Variants in RPS6KA3 observed in about 807,000 individuals in gnomAD.
RPS6KA3 encodes ribosomal protein S6 kinase A3.
In RPS6KA3, 4 loss-of-function variants were observed where a neutral mutation model predicts 67.2. The ratio of observed to expected loss-of-function variants is 0.06; its 90% CI spans 0.03 to 0.14. The LOEUF (loss-of-function observed/expected upper bound fraction) is 0.14, where lower values mean the gene tolerates loss of function less well. Among genes scored for constraint, RPS6KA3 ranks in the 10% least tolerant of loss-of-function variants. The probability of loss-of-function intolerance (pLI) is 1.00; values close to 1 mark genes in which losing one functional copy is unlikely to be tolerated. For missense variants in RPS6KA3, 204 were observed against 559.0 expected, an observed-to-expected ratio of 0.36 and a Z score of 6.40; for synonymous variants, 182 against 183.7, an observed-to-expected ratio of 0.99 and a Z score of 0.07.
rs922114414 is a variant in RPS6KA3, at chrX:20,158,553, C to T, written c.1960-2304G>A. On this transcript the variant is annotated intron_variant, in intron 20 of 21. Coordinates refer to ENST00000379565, the MANE Select transcript of RPS6KA3 (RefSeq NM_004586.3). Reference sequence around the variant, plus strand: ...TTATTAACAGCTAAGAACAGGGATACGCAATTGAACAGAGCTGGAAATAAA... The same window carrying T: ...TTATTAACAGCTAAGAACAGGGATATGCAATTGAACAGAGCTGGAAATAAA... Among the ~76,000 whole-genome samples the T allele has an allele frequency of 7.3e-5, 8 of 109,671 alleles. No individual in the cohort carries two copies. The East Asian group carries it at 8.5e-4, about 12-fold the overall frequency.
In RPS6KA3 at chrX:20,256,468, G is replaced by A. The variant is rs186522251; in HGVS notation, c.69+10096C>T. ...ACATTTACTCATGCATACACCTAGA[G>A]GCTTCTGTAAAGAGAGCTGTTAAGT... On this transcript the variant is annotated intron_variant, in intron 1 of 21. Coordinates refer to ENST00000379565, the MANE Select transcript of RPS6KA3 (RefSeq NM_004586.3). 2.3e-4 allele frequency among the ~76,000 whole-genome samples: 26 copies of A among 111,520 alleles called. No homozygotes were observed. In the Admixed American group the frequency reaches 2.4e-3, roughly 10 times the overall value.
chrX:20,176,596 AATT>A, intron 11 of RPS6KA3, 98 bp from the exon 12 acceptor site: 1 of 566,978 alleles, frequency 1.8e-6, no homozygotes, highest in Non-Finnish European at 2.9e-6. Flanking sequence ...TTAATTAATT[AATT>A]AATTAATTTT....
intron 2 of RPS6KA3, among the ~76,000 whole-genome samples, chrX:20,220,275 G>A (rs922588049): frequency 6.3e-5 from 7 of 110,615 alleles, no homozygotes; most frequent in Non-Finnish European, 1.3e-4. Flanking sequence ...CAGCAACAGG[G>A]ACCCAAATAA....
At chrX:20,225,915 G>A (rs922057143) in intron 2 of RPS6KA3, among the ~76,000 whole-genome samples, 4 of 112,148 alleles carry the variant, frequency 3.6e-5, no homozygotes, top group African/African-American at 1.3e-4. Context: ...GCCGAGTATG[G>A]TGGTTCATGC....
intron 17 of RPS6KA3, among the ~76,000 whole-genome samples, chrX:20,166,602 T>TA (rs1389630961): frequency 9.0e-6 from 1 of 110,872 alleles, no homozygotes; most frequent in African/African-American, 3.3e-5. Context: ...AAAAAATTTT[T>TA]AAAAAATTGT....
intron 4 of RPS6KA3, among the ~76,000 whole-genome samples, chrX:20,195,867 GCATATGAC>G (rs1474643268): frequency 8.9e-6 from 1 of 112,194 alleles, no homozygotes; most frequent in Non-Finnish European, 1.9e-5. Context: ...GCTTTGAGGA[GCATATGAC>G]CATTTGAGAT....
chrX:20,172,902 C>G, intron 14 of RPS6KA3, 31 bp from the exon 15 acceptor site: 1 of 1,182,465 alleles, frequency 8.5e-7, no homozygotes, highest in South Asian at 1.8e-5. Context: ...GTGAAGAGTC[C>G]CATAATGCCT....
chrX:20,197,669 T>C (rs1385161683), intron 4 of RPS6KA3, among the ~76,000 whole-genome samples: 1 of 112,187 alleles, frequency 8.9e-6, no homozygotes, highest in Non-Finnish European at 1.9e-5. Flanking sequence ...AAGAATTCCT[T>C]CATTTTGTCT....
At chrX:20,256,172 C>CAAAAAAAAAAAAAAAAAAAAAAAAA (rs35947983) in intron 1 of RPS6KA3, among the ~76,000 whole-genome samples, 1 of 14,471 alleles carries the variant, frequency 6.9e-5, no homozygotes, top group Non-Finnish European at 1.2e-4. Context: ...GACACCGTCT[C>CAAAAAAAAAAAAAAAAAAAAAAAAA]AAAAAAAAAA....
In RPS6KA3 at chrX:20,151,994, A is replaced by G. The variant is rs1284055740; in HGVS notation, c.*3404T>C. On this transcript the variant is annotated 3_prime_UTR_variant, in exon 22 of 22. Transcript: ENST00000379565. The stretch of plus-strand genomic sequence containing the variant: ...CCTCCCATGATGTCCCCTGGCCCCA[A>G]CAGCAGTCACTTCTTAAAAAGAGAT... 1 of 112,174 alleles carries G rather than the reference A, an allele frequency of 8.9e-6. No homozygotes were observed. Among genetic ancestry groups the G allele is most frequent in the East Asian group, 2.8e-4 (1 of 3,602 alleles). 9.2% of individuals were successfully genotyped at this position (112,174 alleles called of 1,213,427 possible). A position where few individuals can be genotyped will look rare whatever the true frequency, so the allele number is the denominator to read the frequency against.
chrX:20,210,721 A>C (rs1295117076), intron 2 of RPS6KA3, among the ~76,000 whole-genome samples: 1 of 111,776 alleles, frequency 8.9e-6, no homozygotes, highest in Non-Finnish European at 1.9e-5. Context: ...GGGACTTCGG[A>C]AACAATAATC....
At chrX:20,180,260 C>T (rs1182929817) in intron 10 of RPS6KA3, among the ~76,000 whole-genome samples, 1 of 110,985 alleles carries the variant, frequency 9.0e-6, no homozygotes. Flanking sequence ...GAGCCCATCA[C>T]TTAAAGTGGG....
intron 2 of RPS6KA3, among the ~76,000 whole-genome samples, chrX:20,227,568 T>C: frequency 9.0e-6 from 1 of 111,606 alleles, no homozygotes; most frequent in Non-Finnish European, 1.9e-5. Flanking sequence ...CACTAGTGTT[T>C]TGATATTTCA....
rs200956541 is a variant in RPS6KA3, at chrX:20,218,876, C to T, written c.127-9472G>A. ...ATGATGGTGATAAAAGAATTTCTGA[C>T]GGTAAAACTTAAGTTAGAAAGGGAA... On this transcript the variant is annotated intron_variant, in intron 2 of 21. Transcript: ENST00000379565. 19 of 1,159,705 alleles carry T rather than the reference C, an allele frequency of 1.6e-5. No individual in the cohort carries two copies. In the South Asian group the frequency reaches 2.4e-4, roughly 15 times the overall value.
intron 2 of RPS6KA3, among the ~76,000 whole-genome samples, chrX:20,216,290 C>G (rs1274297640): frequency 9.0e-6 from 1 of 111,481 alleles, no homozygotes; most frequent in Non-Finnish European, 1.9e-5. Flanking sequence ...CATTTCCACC[C>G]CTTTCAGACA....
At chrX:20,204,359 G>GA (rs201334434) in intron 3 of RPS6KA3, among the ~76,000 whole-genome samples, 4 of 110,900 alleles carry the variant, frequency 3.6e-5, no homozygotes, top group African/African-American at 1.3e-4. Context: ...CATTAAGACA[G>GA]AAAAAAACCC....
chrX:20,194,065 T>C (rs1196825886), intron 6 of RPS6KA3, 124 bp downstream of exon 6: 1 of 480,217 alleles, frequency 2.1e-6, no homozygotes, highest in East Asian at 3.8e-5. Flanking sequence ...TCTTTTTGGG[T>C]CTGATTCTTC....
chrX:20,151,325 C>T lies in RPS6KA3; in HGVS notation c.*4073G>A, dbSNP rs938675860. On this transcript the variant is annotated 3_prime_UTR_variant, in exon 22 of 22. Coordinates refer to ENST00000379565, the MANE Select transcript of RPS6KA3 (RefSeq NM_004586.3). ...GAATTTCATTCCTTCATTAATTGGT[C>T]TCCACCAATGGTCACTTGGGGAGAC... 8.9e-6 allele frequency: 1 copy of T among 112,815 alleles called. No homozygotes were observed. Among genetic ancestry groups the T allele is most frequent in the African/African-American group, 3.2e-5 (1 of 30,950 alleles). The allele number at this position is 112,815 out of a possible 1,213,427, so 9.3% of individuals were successfully genotyped here. A position where few individuals can be genotyped will look rare whatever the true frequency, so the allele number is the denominator to read the frequency against.
intron 4 of RPS6KA3, chrX:20,203,584 T>C: frequency 8.2e-6 from 1 of 121,546 alleles, no homozygotes; most frequent in Non-Finnish European, 1.7e-5. Flanking sequence ...ACTTTTTACC[T>C]ATGAGAGCCA....
Sources: allele counts gnomAD v4.1 joint callset (sites outside exome capture counted in the v4.1 genomes callset), GRCh38; gene constraint gnomAD v4.1.1; transcripts MANE v1.5; gene names NCBI Gene and HGNC (gene_info 2026-07-23, HGNC 2026-07-21).